The following NPIPA9 variants were observed in gnomAD, a reference collection of about 807,000 sequenced individuals.
The protein encoded by NPIPA9 is nuclear pore complex-interacting protein family member A9.
At chr16:18,364,980 C>A (rs1471131396) in intron 4 of NPIPA9, among the ~76,000 whole-genome samples, 1 of 136,784 alleles carries the variant, frequency 7.3e-6, no homozygotes, top group Non-Finnish European at 1.6e-5. Context: ...ACACAACACA[C>A]AAGAATGACA....
intron 3 of NPIPA9, among the ~76,000 whole-genome samples, chr16:18,371,502 G>T (rs62043982): frequency 1.0e-5 from 1 of 98,710 alleles, no homozygotes; most frequent in Non-Finnish European, 2.1e-5. Context: ...TGACACAAAT[G>T]AAATGACATT....
intron 4 of NPIPA9, among the ~76,000 whole-genome samples, chr16:18,364,916 G>A (rs1405141328): frequency 7.6e-6 from 1 of 131,412 alleles, no homozygotes; most frequent in Non-Finnish European, 1.6e-5. Context: ...ACTCCAGCCT[G>A]AGTGACAGAA....
chr16:18,364,973 C>CA (rs1900489499), intron 4 of NPIPA9, among the ~76,000 whole-genome samples: 49 of 136,642 alleles, frequency 3.6e-4, no homozygotes, highest in East Asian at 1.3e-3. Context: ...ACACACAACA[C>CA]AACACACAAG....
At chr16:18,375,277 C>T (rs1231674203) in intron 1 of NPIPA9, among the ~76,000 whole-genome samples, 1 of 146,456 alleles carries the variant, frequency 6.8e-6, no homozygotes, top group Non-Finnish European at 1.5e-5. Context: ...ACTGGTGCAG[C>T]TAAGGAACAG....
At position 18,364,973 on chromosome 16, in the gene NPIPA9, C is replaced by A. The variant is rs1297081674; in HGVS notation, c.193-339G>T. On this transcript the variant is annotated intron_variant, in intron 4 of 9. Transcript: ENST00000427999. ...CACACACACACACACACACACAACA[C>A]AACACACAAGAATGACATGAGGCTG... Among the ~76,000 whole-genome samples the A allele has an allele frequency of 2.1e-3, 284 of 136,570 alleles. 2 individuals carry two copies. Among genetic ancestry groups the A allele is most frequent in the Admixed American group, 2.9e-3 (41 of 14,076 alleles). 89.6% of individuals were successfully genotyped at this position (136,570 alleles called of 152,430 possible).
chr16:18,375,279 A>G (rs1449372408), intron 1 of NPIPA9, among the ~76,000 whole-genome samples: 7 of 146,518 alleles, frequency 4.8e-5, no homozygotes, highest in Non-Finnish European at 7.5e-5. Context: ...TGGTGCAGCT[A>G]AGGAACAGAG....
intron 6 of NPIPA9, among the ~76,000 whole-genome samples, chr16:18,363,459 C>T (rs1187825144): frequency 1.3e-4 from 10 of 76,892 alleles, no homozygotes; most frequent in African/African-American, 6.0e-4. Flanking sequence ...CATGCCACTG[C>T]ACTCTAGCCT....
chr16:18,364,954 C>G (rs537034971), intron 4 of NPIPA9, among the ~76,000 whole-genome samples: 11 of 1,568 alleles, frequency 7.0e-3, no homozygotes, highest in Non-Finnish European at 0.05. Flanking sequence ...CACACACACA[C>G]ACACACACAC....
chr16:18,363,472 G>T (rs1900470671), intron 6 of NPIPA9, among the ~76,000 whole-genome samples: 1 of 90,662 alleles, frequency 1.1e-5, no homozygotes. Context: ...TCTAGCCTGG[G>T]TGACAGAGTG....
At chr16:18,363,651 G>A (rs1222613596) in intron 6 of NPIPA9, among the ~76,000 whole-genome samples, 1 of 5,298 alleles carries the variant, frequency 1.9e-4, no homozygotes, top group Non-Finnish European at 3.2e-4. Flanking sequence ...GCGACAGAGC[G>A]AGACTCTATC....
rs997442258 is a variant in NPIPA9 at position 18,371,396 on chromosome 16, G to T, written c.63+1327C>A. ...GAACCCCGGAAGCGGAGGTTGCAGT[G>T]AGCCGAGATCTTGCCACTGCACTCC... On this transcript the variant is annotated intron_variant, in intron 3 of 9. Coordinates refer to ENST00000427999, the Ensembl canonical transcript of NPIPA9. 1.2e-5 allele frequency: 2 copies of T among 167,286 alleles called. 1 individual carries two copies. The highest frequency in any genetic ancestry group is 8.8e-5 in the African/African-American group (2 of 22,828). 10.4% of individuals were successfully genotyped at this position (167,286 alleles called of 1,614,324 possible). A position where few individuals can be genotyped will look rare whatever the true frequency, so the allele number is the denominator to read the frequency against.
chr16:18,371,559 G>T (rs565147630), intron 3 of NPIPA9, among the ~76,000 whole-genome samples: 1 of 114,114 alleles, frequency 8.8e-6, no homozygotes, highest in Non-Finnish European at 1.8e-5. Context: ...AGAGTGCAGC[G>T]GGGCCATCTC....
At position 18,369,789 on chromosome 16, in the gene NPIPA9, TTTAG is replaced by T. The variant is rs1467715954; in HGVS notation, c.64-1407_64-1404del. On this transcript the variant is annotated intron_variant, in intron 3 of 9. Coordinates refer to ENST00000427999, the Ensembl canonical transcript of NPIPA9. ...GCACCTGGCCAGTAGTTATCTTTTC[TTTAG>T]TTATTTACTTGTTTTTTAAATTGAT... 6.8e-3 allele frequency among the ~76,000 whole-genome samples: 657 copies of T among 97,252 alleles called. 91 individuals carry two copies. Among genetic ancestry groups the T allele is most frequent in the South Asian group, 9.7e-3 (33 of 3,418 alleles). 63.8% of individuals were successfully genotyped at this position (97,252 alleles called of 152,430 possible). A position where few individuals can be genotyped will look rare whatever the true frequency, so the allele number is the denominator to read the frequency against.
At chr16:18,364,855 C>T (rs1900486098) in intron 4 of NPIPA9, among the ~76,000 whole-genome samples, 1 of 89,204 alleles carries the variant, frequency 1.1e-5, no homozygotes, top group Admixed American at 1.1e-4. Flanking sequence ...GGCAGAGAAC[C>T]GTTTGAAGCT....
chr16:18,372,102 T>A (rs1900557419), intron 3 of NPIPA9: 1 of 64,892 alleles, frequency 1.5e-5, no homozygotes. Context: ...GGGCCCGATC[T>A]GAGTTGGGGA....
At chr16:18,365,037 G>A (rs1900490958) in intron 4 of NPIPA9, among the ~76,000 whole-genome samples, 1 of 117,114 alleles carries the variant, frequency 8.5e-6, no homozygotes, top group Admixed American at 8.1e-5. Context: ...CACTTTGGGA[G>A]GCCGAGGCAG....
At chr16:18,364,969 A>AG (rs58690022) in intron 4 of NPIPA9, among the ~76,000 whole-genome samples, 1 of 119,642 alleles carries the variant, frequency 8.4e-6, no homozygotes, top group Non-Finnish European at 1.8e-5. Flanking sequence ...ACACACACAC[A>AG]ACACAACACA....
intron 3 of NPIPA9, among the ~76,000 whole-genome samples, chr16:18,370,245 G>A (rs1400241426): frequency 5.7e-5 from 7 of 121,744 alleles, no homozygotes; most frequent in African/African-American, 2.2e-4. Flanking sequence ...AGCCAAGATC[G>A]CACCACTGCA....
intron 6 of NPIPA9, among the ~76,000 whole-genome samples, chr16:18,363,686 A>AG (rs1900475877): frequency 6.5e-5 from 1 of 15,396 alleles, no homozygotes; most frequent in Admixed American, 6.5e-4. Flanking sequence ...AAAAAAAAAA[A>AG]GCCTGGGTGT....
Sources: allele counts gnomAD v4.1 joint callset (sites outside exome capture counted in the v4.1 genomes callset), GRCh38; gene constraint gnomAD v4.1.1; transcripts MANE v1.5; gene names NCBI Gene and HGNC (gene_info 2026-07-23, HGNC 2026-07-21).